Variants in GKAP1 observed in about 807,000 individuals in gnomAD.
The protein encoded by GKAP1 is G kinase anchoring protein 1, also known as G kinase-anchoring protein 1.
GKAP1 carries 31 observed loss-of-function variants against 56.7 expected under a neutral mutation model. The observed-to-expected ratio is 0.55, with a 90% CI of 0.41 to 0.74. The LOEUF (loss-of-function observed/expected upper bound fraction) is 0.74, where lower values mean the gene tolerates loss of function less well. Ranked by LOEUF, GKAP1 falls within the 30% of genes least tolerant of loss-of-function variation. GKAP1 has a pLI of 0.00. For synonymous variants in GKAP1, 151 were observed against 138.6 expected, an observed-to-expected ratio of 1.09 and a Z score of -0.63; for missense variants, 364 against 402.3, an observed-to-expected ratio of 0.90 and a Z score of 0.82.
At chr9:83,754,695 T>G (rs773517980) in intron 8 of GKAP1, among the ~76,000 whole-genome samples, 1 of 152,316 alleles carries the variant, frequency 6.6e-6, no homozygotes, top group Middle Eastern at 3.4e-3. Context: ...CAAGATGACT[T>G]TGGAAAAGCC....
intron 3 of GKAP1, among the ~76,000 whole-genome samples, chr9:83,801,177 G>A (rs1239270212): frequency 2.0e-5 from 3 of 152,118 alleles, no homozygotes; most frequent in Non-Finnish European, 2.9e-5. Context: ...CACAGAGAAT[G>A]CCACATAACA....
At chr9:83,796,062 T>G (rs989476547) in intron 4 of GKAP1, among the ~76,000 whole-genome samples, 4 of 152,166 alleles carry the variant, frequency 2.6e-5, no homozygotes, top group Non-Finnish European at 2.9e-5. Flanking sequence ...ACGCTTAAAT[T>G]TGGTGTTCTT....
At chr9:83,769,942 T>C (rs1943728713) in intron 7 of GKAP1, among the ~76,000 whole-genome samples, 1 of 152,252 alleles carries the variant, frequency 6.6e-6, no homozygotes, top group Non-Finnish European at 1.5e-5. Context: ...TTCAGTCGCA[T>C]TTCCCTGACA....
chr9:83,739,972 G>A (rs1002848770), intron 12 of GKAP1, among the ~76,000 whole-genome samples: 1 of 152,060 alleles, frequency 6.6e-6, no homozygotes, highest in African/African-American at 2.4e-5. Context: ...TTGAATAAGA[G>A]TCTTGCCTTA....
rs1379916935 is a variant in GKAP1 at position 83,817,045 on chromosome 9, C to T, written c.-93G>A. 2 of 152,224 alleles carry T rather than the reference C, an allele frequency of 1.3e-5. No individual in the cohort carries two copies. The highest frequency in any genetic ancestry group is 3.8e-4 in the East Asian group (2 of 5,204). 9.4% of individuals were successfully genotyped at this position (152,224 alleles called of 1,614,324 possible). ...TTCACCCATAGGCTGTTAACCGATG[C>T]TCCGAAACTTATTCGCAAAGTACAT... is the stretch of plus-strand genomic sequence containing the variant. On this transcript the variant is annotated 5_prime_UTR_variant, in exon 2 of 13. Transcript: ENST00000376371.
intron 7 of GKAP1, among the ~76,000 whole-genome samples, chr9:83,772,246 T>C (rs1157372509): frequency 6.6e-6 from 1 of 152,170 alleles, no homozygotes; most frequent in East Asian, 1.9e-4. Flanking sequence ...TATGTAAGTA[T>C]AGACATACAG....
intron 8 of GKAP1, among the ~76,000 whole-genome samples, chr9:83,762,982 G>C (rs549644538): frequency 6.6e-6 from 1 of 152,170 alleles, no homozygotes; most frequent in Non-Finnish European, 1.5e-5. Flanking sequence ...AGAGCTATCT[G>C]CACTCCCATG....
chr9:83,815,512 A>G (rs1944570039), intron 2 of GKAP1, among the ~76,000 whole-genome samples: 1 of 152,096 alleles, frequency 6.6e-6, no homozygotes, highest in Non-Finnish European at 1.5e-5. Context: ...TGACCTCACT[A>G]GAATCAAGAC....
intron 4 of GKAP1, among the ~76,000 whole-genome samples, chr9:83,793,948 C>A (rs1944203426): frequency 6.6e-6 from 1 of 152,156 alleles, no homozygotes; most frequent in Admixed American, 6.5e-5. Flanking sequence ...ATGTGGACTG[C>A]TTGAGACCAG....
intron 3 of GKAP1, among the ~76,000 whole-genome samples, chr9:83,801,558 A>G (rs998626060): frequency 2.0e-5 from 3 of 152,204 alleles, no homozygotes; most frequent in Non-Finnish European, 4.4e-5. Flanking sequence ...CACTGTAAGT[A>G]GCTGGTTTCT....
chr9:83,775,817 G>C (rs1360549803), intron 7 of GKAP1, among the ~76,000 whole-genome samples: 1 of 133,890 alleles, frequency 7.5e-6, no homozygotes, highest in Admixed American at 8.4e-5. Context: ...AGAGGTTGCA[G>C]TGAGCCAAGA....
chr9:83,788,611 T>G lies in GKAP1; in HGVS notation c.428A>C (p.Glu143Ala), dbSNP rs949325397. The G allele has an allele frequency of 6.4e-7, 1 of 1,572,254 alleles. No individual in the cohort carries two copies. Among genetic ancestry groups the G allele is most frequent in the African/African-American group, 1.3e-5 (1 of 74,104 alleles). The change falls in exon 5 of 13, where the codon GAG (glutamate) becomes GCG (alanine). Residue 143 changes from glutamate to alanine, a missense_variant. Coordinates refer to ENST00000376371, the MANE Select transcript of GKAP1 (RefSeq NM_025211.4). ...TAAGTATGTAAATACCTTTTTGTGC[T>G]CTTCATATTCTAGTTTACTTAGTAA... Reference protein sequence around the residue: ...ALLLSKLEYEEHKKEYEDAEN... With the variant: ...ALLLSKLEYEAHKKEYEDAEN...
At chr9:83,775,922 G>C (rs377763276) in intron 7 of GKAP1, among the ~76,000 whole-genome samples, 1 of 119,344 alleles carries the variant, frequency 8.4e-6, no homozygotes, top group African/African-American at 3.1e-5. Context: ...AAAAGAAAAA[G>C]AAATGAATCT....
intron 7 of GKAP1, among the ~76,000 whole-genome samples, chr9:83,779,492 CACAT>C (rs1365158401): frequency 2.7e-5 from 3 of 111,966 alleles, no homozygotes; most frequent in South Asian, 2.7e-4. Flanking sequence ...TACATATATA[CACAT>C]ATACACATAT....
chr9:83,769,051 G>T (rs1943712901), intron 7 of GKAP1, 81 bp from the exon 8 acceptor site: 3 of 1,065,486 alleles, frequency 2.8e-6, no homozygotes, highest in Non-Finnish European at 2.7e-6. Context: ...CACAAGAAGG[G>T]ATATGCATTT....
At chr9:83,743,100 T>G (rs1943235393) in intron 10 of GKAP1, among the ~76,000 whole-genome samples, 1 of 152,146 alleles carries the variant, frequency 6.6e-6, no homozygotes, top group South Asian at 2.1e-4. Context: ...GAGGTGGTGG[T>G]TGCTGTGAGC....
At chr9:83,815,103 T>C (rs1944563869) in intron 2 of GKAP1, among the ~76,000 whole-genome samples, 1 of 151,774 alleles carries the variant, frequency 6.6e-6, no homozygotes, top group Non-Finnish European at 1.5e-5. Context: ...ACCAGGGAGG[T>C]AGAGGTTGCA....
intron 7 of GKAP1, among the ~76,000 whole-genome samples, chr9:83,778,249 T>TA (rs1943895089): frequency 6.6e-6 from 1 of 152,164 alleles, no homozygotes; most frequent in African/African-American, 2.4e-5. Flanking sequence ...CGTGCACACA[T>TA]ATGTTCACTG....
At chr9:83,745,793 G>A (rs1278630747) in intron 10 of GKAP1, among the ~76,000 whole-genome samples, 3 of 150,654 alleles carry the variant, frequency 2.0e-5, no homozygotes, top group Admixed American at 6.6e-5. Context: ...ATTTTTCCCC[G>A]TATTTTTTTT....
Sources: gnomAD v4.1 joint callset for allele counts (sites outside exome capture counted in the v4.1 genomes callset) on GRCh38, gnomAD v4.1.1 for gene constraint, MANE v1.5 for transcripts, NCBI Gene and HGNC (gene_info 2026-07-23, HGNC 2026-07-21) for gene names.